Variants in RXRA observed in about 807,000 individuals in gnomAD.
RXRA encodes retinoid X receptor alpha, also known as retinoic acid receptor RXR-alpha.
RXRA carries 5 observed loss-of-function variants against 44.5 expected under a neutral mutation model. That is an observed-to-expected ratio of 0.11 (90% CI 0.06 to 0.24). The LOEUF (loss-of-function observed/expected upper bound fraction) is 0.24. Among genes scored for constraint, RXRA ranks in the 10% least tolerant of loss-of-function variants. The pLI is 1.00. For missense variants in RXRA, 412 were observed against 646.5 expected (o/e 0.64, Z 3.93); for synonymous variants, 291 against 271.4 (o/e 1.07, Z -0.71).
chr9:134,436,778 C>T lies in RXRA; in HGVS notation c.*164C>T, dbSNP rs971803945. 6 of 744,684 alleles carry T rather than the reference C, an allele frequency of 8.1e-6. No individual in the cohort carries two copies. The highest frequency in any genetic ancestry group is 1.3e-5 in the Non-Finnish European group (6 of 467,198). The allele number at this position is 744,684 out of a possible 1,614,324, so 46.1% of individuals were successfully genotyped here. On this transcript the variant is annotated 3_prime_UTR_variant, in exon 10 of 10. Transcript: ENST00000481739. ...GCCTAAGAGATGTGTTGTCACCCTC[C>T]TTATTTCTGTTACTACTTGTCTGTG... is the stretch of plus-strand genomic sequence containing the variant.
At chr9:134,339,109 C>T (rs1039916288) in intron 1 of RXRA, among the ~76,000 whole-genome samples, 2 of 135,690 alleles carry the variant, frequency 1.5e-5, no homozygotes, top group African/African-American at 5.7e-5. Context: ...TGGTCACCCC[C>T]CCTGGGGTTG....
chr9:134,381,668 A>G (rs190323988), intron 1 of RXRA, among the ~76,000 whole-genome samples: 5 of 152,184 alleles, frequency 3.3e-5, no homozygotes, highest in African/African-American at 1.2e-4. Context: ...TCTGGCCGGC[A>G]GGTAGGCAAG....
chr9:134,374,839 G>A (rs1056105312), intron 1 of RXRA, among the ~76,000 whole-genome samples: 6 of 152,320 alleles, frequency 3.9e-5, no homozygotes, highest in African/African-American at 1.2e-4. Flanking sequence ...GGAACTCGGC[G>A]CCTGCCTGGC....
rs573683915 is a variant in RXRA at position 134,407,301 on chromosome 9, G to A, written c.280-848G>A. Among the ~76,000 whole-genome samples, 29 of 152,376 alleles carry A rather than the reference G, an allele frequency of 1.9e-4. No individual in the cohort carries two copies. In the Middle Eastern group the frequency reaches 0.01, roughly 54 times the overall value. On this transcript the variant is annotated intron_variant, in intron 2 of 9. Transcript: ENST00000481739. The surrounding 1 kb of genome is among the most constrained non-coding windows in gnomAD (Gnocchi z 4.8). ...GGGGAGCTTCCTGCGCACAAGCGGCGGCAGGGGTTTGCAGAAGTGGAGGCT... is the reference window on the plus strand; with the variant it reads ...GGGGAGCTTCCTGCGCACAAGCGGCAGCAGGGGTTTGCAGAAGTGGAGGCT...
At chr9:134,401,218 C>T (rs572157312) in intron 1 of RXRA, among the ~76,000 whole-genome samples, 1 of 152,338 alleles carries the variant, frequency 6.6e-6, no homozygotes, top group Admixed American at 6.5e-5. Context: ...CATGATTATT[C>T]CCAGACCTTC....
chr9:134,363,343 C>T (rs536101368), intron 1 of RXRA, among the ~76,000 whole-genome samples: 7 of 152,202 alleles, frequency 4.6e-5, no homozygotes, highest in Non-Finnish European at 7.3e-5. Context: ...GGCGGTGGGC[C>T]CTGTCCACCC....
At chr9:134,348,027 G>A (rs782558865) in intron 1 of RXRA, among the ~76,000 whole-genome samples, 2 of 152,176 alleles carry the variant, frequency 1.3e-5, no homozygotes, top group African/African-American at 2.4e-5. Flanking sequence ...TGGAGGAGCC[G>A]GTGGGTCTGG....
chr9:134,385,421 G>T (rs1442714682), intron 1 of RXRA, among the ~76,000 whole-genome samples: 2 of 152,188 alleles, frequency 1.3e-5, no homozygotes, highest in African/African-American at 4.8e-5. Flanking sequence ...CTCAGGCCCT[G>T]CCTCACCAGT....
intron 6 of RXRA, chr9:134,425,058 G>A (rs1831409953): frequency 1.0e-6 from 1 of 985,456 alleles, no homozygotes; most frequent in Non-Finnish European, 1.2e-6. Context: ...CATCGTGAGA[G>A]CCATTGGCCA....
At chr9:134,428,377 AC>A (rs1229846571) in intron 6 of RXRA, among the ~76,000 whole-genome samples, 16 of 101,462 alleles carry the variant, frequency 1.6e-4, no homozygotes, top group African/African-American at 5.5e-4. Context: ...CCCCCAGGGA[AC>A]CCCCACTATG....
At chr9:134,432,971 A>G (rs1322592037) in intron 8 of RXRA, among the ~76,000 whole-genome samples, 4 of 151,824 alleles carry the variant, frequency 2.6e-5, no homozygotes, top group African/African-American at 4.8e-5. Context: ...TCATTGCGTG[A>G]TAGGGGCAGG....
At chr9:134,394,036 G>A (rs1360233803) in intron 1 of RXRA, among the ~76,000 whole-genome samples, 1 of 133,252 alleles carries the variant, frequency 7.5e-6, no homozygotes, top group Non-Finnish European at 1.7e-5. Flanking sequence ...CAACCTCTCT[G>A]TCTAGGCTTC....
At chr9:134,368,540 A>AGT (rs372133730) in intron 1 of RXRA, among the ~76,000 whole-genome samples, 2 of 151,334 alleles carry the variant, frequency 1.3e-5, no homozygotes, top group African/African-American at 2.4e-5. Flanking sequence ...TGTGTGTATG[A>AGT]GTGTGTGTGT....
At chr9:134,386,854 C>T (rs929216504) in intron 1 of RXRA, among the ~76,000 whole-genome samples, 1 of 152,182 alleles carries the variant, frequency 6.6e-6, no homozygotes, top group Non-Finnish European at 1.5e-5. Context: ...CCTCTCCTTA[C>T]CTTGAGGCTC....
intron 1 of RXRA, among the ~76,000 whole-genome samples, chr9:134,394,263 G>GT (rs1428799708): frequency 2.7e-4 from 17 of 63,196 alleles, no homozygotes; most frequent in African/African-American, 9.1e-4. Flanking sequence ...GATGATGACG[G>GT]TGATGTTGAT....
At chr9:134,414,421 C>T (rs932117649) in intron 4 of RXRA, among the ~76,000 whole-genome samples, 3 of 152,252 alleles carry the variant, frequency 2.0e-5, no homozygotes, top group African/African-American at 7.2e-5. Flanking sequence ...CTCCAGGCCC[C>T]CCGTGTGCTG....
Position 134,426,361 on chromosome 9 carries a change from C to T in RXRA, c.911-2747C>T. 4 of 985,460 alleles carry T rather than the reference C, an allele frequency of 4.1e-6. No individual in the cohort carries two copies. Among genetic ancestry groups the T allele is most frequent in the Non-Finnish European group, 4.8e-6 (4 of 829,934 alleles). The allele number at this position is 985,460 out of a possible 1,614,324, so 61.0% of individuals were successfully genotyped here. A position where few individuals can be genotyped will look rare whatever the true frequency, so the allele number is the denominator to read the frequency against. On this transcript the variant is annotated intron_variant, in intron 6 of 9. Transcript: ENST00000481739. The surrounding 1 kb of genome is among the most constrained non-coding windows in gnomAD (Gnocchi z 4.6). ...CCAAAGGTTACTGTAAAGTGGGTTC[C>T]TCTCCTATTTTTCTCTTACATCCGA...
rs1831487085 is a variant in RXRA, at chr9:134,429,148, C to T, written c.951C>T (p.Ser317=). ...TCATCGCCTCCTTCTCCCACCGCTC[C>T]ATCGCCGTGAAGGACGGGATCCTCC... is the stretch of plus-strand genomic sequence containing the variant. ...ELLIASFSHR[S]IAVKDGILLA... Residue 317 remains serine (S), a synonymous_variant, in exon 7 of 10, where the codon TCC becomes TCT. Transcript: ENST00000481739. 6.2e-7 allele frequency: 1 copy of T among 1,613,014 alleles called. No homozygotes were observed. The highest frequency in any genetic ancestry group is 8.5e-7 in the Non-Finnish European group (1 of 1,179,998).
chr9:134,408,134 G>C lies in RXRA; in HGVS notation c.280-15G>C, dbSNP rs1242031237. The stretch of plus-strand genomic sequence containing the variant: ...TGGTGTACACCCCGCTGACTGCTGT[G>C]GTTGCCCCCCCCAGCTCAGCTCACC... On this transcript the variant is annotated splice_polypyrimidine_tract_variant and intron_variant, in intron 2 of 9. Coordinates refer to ENST00000481739, the MANE Select transcript of RXRA (RefSeq NM_002957.6). The C allele has an allele frequency of 6.6e-7, 1 of 1,525,616 alleles. No individual in the cohort carries two copies. Among genetic ancestry groups the C allele is most frequent in the Non-Finnish European group, 8.8e-7 (1 of 1,142,234 alleles). The allele number at this position is 1,525,616 out of a possible 1,614,324, so 94.5% of individuals were successfully genotyped here. A position where few individuals can be genotyped will look rare whatever the true frequency, so the allele number is the denominator to read the frequency against.
Sources: gnomAD v4.1 joint callset for allele counts (sites outside exome capture counted in the v4.1 genomes callset) on GRCh38, gnomAD v4.1.1 for gene constraint, Gnocchi (gnomAD v3.1) non-coding constraint, MANE v1.5 for transcripts, NCBI Gene and HGNC (gene_info 2026-07-23, HGNC 2026-07-21) for gene names.